PUM2: variants seen among roughly 807,000 people sequenced by gnomAD.
The protein encoded by PUM2 is pumilio homolog 2.
A neutral mutation model predicts 124.5 loss-of-function variants in PUM2; 57 were observed. That is an observed-to-expected ratio of 0.46 (90% CI 0.37 to 0.57). PUM2 has a LOEUF of 0.57. PUM2 is among the 20% of genes least tolerant of loss of function. The pLI, the probability that PUM2 is intolerant of heterozygous loss-of-function variation, is 0.00. For missense variants in PUM2, 1,065 were observed against 1,290.6 expected (o/e 0.83, Z 2.68); for synonymous variants, 460 against 446.1 (o/e 1.03, Z -0.39).
chr2:20,350,822 G>A lies in PUM2; in HGVS notation c.-244C>T, dbSNP rs1013916893. ...CACAGAGACTCACAACAACATGGCT[G>A]CCACCGCCGCCTGCCCTCCCCTCCC... On this transcript the variant is annotated 5_prime_UTR_variant, in exon 1 of 21. Coordinates refer to ENST00000361078, the MANE Select transcript of PUM2 (RefSeq NM_015317.5). 7 of 979,326 alleles carry A rather than the reference G, an allele frequency of 7.1e-6. No homozygotes were observed. Among genetic ancestry groups the A allele is most frequent in the East Asian group, 1.2e-4 (1 of 8,642 alleles). The allele number at this position is 979,326 out of a possible 1,614,324, so 60.7% of individuals were successfully genotyped here.
intron 15 of PUM2, among the ~76,000 whole-genome samples, chr2:20,258,707 C>T (rs1665440452): frequency 7.8e-6 from 1 of 128,304 alleles, no homozygotes; most frequent in Non-Finnish European, 1.6e-5. Flanking sequence ...GTCGCCCAGG[C>T]TGGACTGCGG....
intron 1 of PUM2, among the ~76,000 whole-genome samples, chr2:20,335,272 G>A (rs1243108812): frequency 6.6e-6 from 1 of 152,136 alleles, no homozygotes; most frequent in Non-Finnish European, 1.5e-5. Context: ...GGTATCTACG[G>A]CAAACAAACA....
chr2:20,266,712 C>G (rs1027771480), intron 13 of PUM2, among the ~76,000 whole-genome samples: 1 of 152,076 alleles, frequency 6.6e-6, no homozygotes, highest in African/African-American at 2.4e-5. Context: ...TTCTATGAAA[C>G]AGGCCTATAC....
intron 10 of PUM2, among the ~76,000 whole-genome samples, chr2:20,289,191 G>GC (rs1673431014): frequency 6.6e-6 from 1 of 151,980 alleles, no homozygotes; most frequent in African/African-American, 2.4e-5. Flanking sequence ...GAGTAATAGG[G>GC]CCAGCATCAA....
In PUM2 at chr2:20,283,839, C is replaced by T. The variant is rs377756876; in HGVS notation, c.1292-353G>A. Among the ~76,000 whole-genome samples the T allele has an allele frequency of 3.5e-4, 53 of 152,120 alleles. No individual in the cohort carries two copies. The South Asian group carries it at 1.0e-2, about 29-fold the overall frequency. ...GAAGGATTAAAAAAACTGGGAGTAG[C>T]GAGGTAGAACACTGTACGAAATGTT... On this transcript the variant is annotated intron_variant, in intron 10 of 20. Coordinates refer to ENST00000361078, the MANE Select transcript of PUM2 (RefSeq NM_015317.5).
intron 1 of PUM2, among the ~76,000 whole-genome samples, chr2:20,343,835 C>T (rs1483692268): frequency 5.3e-5 from 8 of 151,974 alleles, no homozygotes; most frequent in Admixed American, 6.6e-5. Context: ...AGGCTGAAGT[C>T]AGAGAACTGC....
At chr2:20,269,106 T>A (rs931028924) in intron 13 of PUM2, among the ~76,000 whole-genome samples, 9 of 152,084 alleles carry the variant, frequency 5.9e-5, no homozygotes, top group Non-Finnish European at 1.0e-4. Context: ...CTGCTATGCT[T>A]CCTAGAGAAT....
At chr2:20,256,282 A>C in intron 16 of PUM2, 112 bp from the exon 17 acceptor site, 7 of 1,004,242 alleles carry the variant, frequency 7.0e-6, no homozygotes, top group Non-Finnish European at 9.6e-6. Flanking sequence ...TATTTATCTC[A>C]GTATTAAAAA....
At chr2:20,251,794 G>A in intron 20 of PUM2, 78 bp from the exon 21 acceptor site, 3 of 1,510,158 alleles carry the variant, frequency 2.0e-6, no homozygotes, top group Non-Finnish European at 1.8e-6. Context: ...CCCAATTCTG[G>A]GTAATTTAGA....
chr2:20,283,516 G>A (rs200000583), intron 10 of PUM2, 30 bp from the exon 11 acceptor site: 53 of 1,569,870 alleles, frequency 3.4e-5, no homozygotes, highest in Non-Finnish European at 4.4e-5. Flanking sequence ...ACTAATGAAA[G>A]CACTTATTAC....
At chr2:20,342,952 T>C (rs1219339434) in intron 1 of PUM2, among the ~76,000 whole-genome samples, 4 of 152,130 alleles carry the variant, frequency 2.6e-5, no homozygotes, top group Non-Finnish European at 5.9e-5. Context: ...TTTCAAGGAT[T>C]AAGTATTAAA....
chr2:20,287,812 T>C (rs935386125), intron 10 of PUM2, among the ~76,000 whole-genome samples: 12 of 152,178 alleles, frequency 7.9e-5, no homozygotes, highest in Admixed American at 6.5e-5. Flanking sequence ...AAAGGTAACT[T>C]TGAAGTTGCA....
At chr2:20,261,268 G>GT in intron 14 of PUM2, among the ~76,000 whole-genome samples, 1 of 151,678 alleles carries the variant, frequency 6.6e-6, no homozygotes, top group Admixed American at 6.6e-5. Context: ...GCAGACGCCT[G>GT]TAAGCCCAGC....
intron 9 of PUM2, among the ~76,000 whole-genome samples, 166 bp downstream of exon 9, chr2:20,294,210 A>T (rs1423526283): frequency 1.3e-5 from 2 of 152,232 alleles, no homozygotes; most frequent in Non-Finnish European, 2.9e-5. Context: ...TATAATACTG[A>T]TTAGGAAAAA....
At chr2:20,330,692 TC>T (rs34324525) in intron 1 of PUM2, among the ~76,000 whole-genome samples, 1 of 152,216 alleles carries the variant, frequency 6.6e-6, no homozygotes, top group Non-Finnish European at 1.5e-5. Context: ...GTAATGTGCT[TC>T]CCTGAGTTCT....
chr2:20,319,722 C>T (rs141300263), intron 2 of PUM2, among the ~76,000 whole-genome samples: 2 of 152,164 alleles, frequency 1.3e-5, no homozygotes, highest in African/African-American at 2.4e-5. Flanking sequence ...TAAGATGAAA[C>T]ATGTGGGAAG....
At chr2:20,259,103 G>A (rs1202528100) in intron 15 of PUM2, among the ~76,000 whole-genome samples, 1 of 152,166 alleles carries the variant, frequency 6.6e-6, no homozygotes, top group African/African-American at 2.4e-5. Flanking sequence ...CAACACAGAT[G>A]CTTATAAATT....
chr2:20,307,407 AAAAT>A (rs1288942225), intron 7 of PUM2, among the ~76,000 whole-genome samples: 1 of 152,196 alleles, frequency 6.6e-6, no homozygotes, highest in Non-Finnish European at 1.5e-5. Context: ...CTGATAAAAT[AAAAT>A]AAAACTATAC....
At chr2:20,315,010 C>T (rs1413033669) in intron 3 of PUM2, among the ~76,000 whole-genome samples, 1 of 147,050 alleles carries the variant, frequency 6.8e-6, no homozygotes, top group African/African-American at 2.5e-5. Flanking sequence ...GAAAGATGGG[C>T]ATCAATCCTT....
Sources: allele counts gnomAD v4.1 joint callset (sites outside exome capture counted in the v4.1 genomes callset), GRCh38; gene constraint gnomAD v4.1.1; transcripts MANE v1.5; gene names NCBI Gene and HGNC (gene_info 2026-07-23, HGNC 2026-07-21).